EDA: variants seen among roughly 807,000 people sequenced by gnomAD.
The protein encoded by EDA is ectodysplasin-A.
A neutral mutation model predicts 23.6 loss-of-function variants in EDA; 2 were observed. That is an observed-to-expected ratio of 0.08 (90% CI 0.03 to 0.27). EDA has a LOEUF of 0.27. EDA is among the 10% of genes least tolerant of loss of function. The pLI, the probability that EDA is intolerant of heterozygous loss-of-function variation, is 1.00. For synonymous variants in EDA, 131 were observed against 132.0 expected (o/e 0.99, Z 0.05); for missense variants, 229 against 324.2 (o/e 0.71, Z 2.26).
chrX:69,916,989 A>G (rs934322304), intron 1 of EDA, among the ~76,000 whole-genome samples: 2 of 110,503 alleles, frequency 1.8e-5, no homozygotes, highest in Non-Finnish European at 1.9e-5. Context: ...AGGCTGGAGT[A>G]TAATGGCACG....
chrX:69,912,337 G>A (rs1329454685), intron 1 of EDA, among the ~76,000 whole-genome samples: 1 of 111,730 alleles, frequency 9.0e-6, no homozygotes, highest in Non-Finnish European at 1.9e-5. Context: ...GCTTCCATGA[G>A]TCATGAATAT....
intron 1 of EDA, among the ~76,000 whole-genome samples, chrX:69,724,228 G>A (rs952929346): frequency 1.8e-5 from 2 of 110,917 alleles, no homozygotes; most frequent in African/African-American, 6.6e-5. Context: ...AGTGGTGGTT[G>A]GGTTGCTTTA....
At chrX:69,787,347 G>T (rs1286820722) in intron 1 of EDA, among the ~76,000 whole-genome samples, 1 of 101,004 alleles carries the variant, frequency 9.9e-6, no homozygotes, top group South Asian at 4.8e-4. Context: ...ATGTTAGCTG[G>T]TTATTTTGCT....
intron 1 of EDA, among the ~76,000 whole-genome samples, chrX:69,742,364 C>G (rs1268006924): frequency 9.0e-6 from 1 of 111,358 alleles, no homozygotes; most frequent in Non-Finnish European, 1.9e-5. Flanking sequence ...TGTAATTGCC[C>G]AAAGTAGAGT....
intron 1 of EDA, among the ~76,000 whole-genome samples, chrX:69,770,971 G>A (rs1416622762): frequency 9.0e-6 from 1 of 111,647 alleles, no homozygotes; most frequent in Non-Finnish European, 1.9e-5. Context: ...ATCATTTGTT[G>A]AAAAAACTAT....
intron 1 of EDA, among the ~76,000 whole-genome samples, chrX:69,750,416 C>G (rs1225549413): frequency 9.1e-6 from 1 of 109,843 alleles, no homozygotes. Context: ...TTAATCCAGT[C>G]TATCATTGTT....
intron 1 of EDA, among the ~76,000 whole-genome samples, chrX:69,808,245 A>T (rs778464097): frequency 9.0e-6 from 1 of 110,910 alleles, no homozygotes; most frequent in African/African-American, 3.3e-5. Flanking sequence ...TATTGTATTC[A>T]TCTATTACTG....
intron 1 of EDA, among the ~76,000 whole-genome samples, chrX:69,865,994 C>T (rs148324388): frequency 1.8e-4 from 20 of 112,485 alleles, no homozygotes; most frequent in Non-Finnish European, 3.4e-4. Context: ...ATATTCATGA[C>T]AGTTACAGTC....
chrX:69,789,530 C>T (rs756264085), intron 1 of EDA, among the ~76,000 whole-genome samples: 30 of 112,037 alleles, frequency 2.7e-4, no homozygotes, highest in South Asian at 7.4e-4. Context: ...TCCACGGTCA[C>T]CATTCTGTTA....
At chrX:69,661,477 T>G (rs1469988002) in intron 1 of EDA, among the ~76,000 whole-genome samples, 1 of 110,629 alleles carries the variant, frequency 9.0e-6, no homozygotes, top group Non-Finnish European at 1.9e-5. Flanking sequence ...TTTATGGTTT[T>G]AGGTCTAAGA....
chrX:70,001,351 G>A (rs2019737795), intron 2 of EDA, among the ~76,000 whole-genome samples: 1 of 109,253 alleles, frequency 9.2e-6, no homozygotes. Flanking sequence ...CTAGAGCCAT[G>A]TTGCATATGT....
At chrX:69,890,647 G>T (rs2017911969) in intron 1 of EDA, among the ~76,000 whole-genome samples, 1 of 111,335 alleles carries the variant, frequency 9.0e-6, no homozygotes, top group African/African-American at 3.3e-5. Context: ...ACAAGCAATG[G>T]GGAAAGGATT....
intron 1 of EDA, among the ~76,000 whole-genome samples, chrX:69,817,901 C>T (rs2016117811): frequency 8.9e-6 from 1 of 111,847 alleles, no homozygotes; most frequent in Non-Finnish European, 1.9e-5. Flanking sequence ...AACTCTCCAC[C>T]TCAAAACAAC....
At chrX:69,925,188 T>C (rs916316785) in intron 1 of EDA, among the ~76,000 whole-genome samples, 3 of 111,621 alleles carry the variant, frequency 2.7e-5, no homozygotes, top group African/African-American at 9.8e-5. Flanking sequence ...CAAGACTATG[T>C]TGAATCGGAG....
chrX:69,667,105 TTC>T (rs758287717), intron 1 of EDA, among the ~76,000 whole-genome samples: 15 of 62,718 alleles, frequency 2.4e-4, no homozygotes, highest in Non-Finnish European at 3.8e-4. Context: ...CTCTTTTAAT[TTC>T]TTTTTCTTTT....
At position 69,860,935 on chromosome X, in the gene EDA, G is replaced by A. The variant is rs185885464; in HGVS notation, c.397-96092G>A. 3.4e-4 allele frequency: 176 copies of A among 520,184 alleles called. 1 individual carries two copies. The highest frequency in any genetic ancestry group is 5.1e-4 in the Non-Finnish European group (145 of 285,768). The allele number at this position is 520,184 out of a possible 1,213,427, so 42.9% of individuals were successfully genotyped here. The stretch of plus-strand genomic sequence containing the variant: ...AAGATCTGTTAAAAGCACACGAGTC[G>A]TCTCAGTCCCTCAGTGGGAGCTGTT... On this transcript the variant is annotated intron_variant, in intron 1 of 7. Transcript: ENST00000374552.
chrX:70,027,990 AGGTCCTCCT>A lies in EDA; in HGVS notation c.668_676del (p.Pro223_Pro225del), dbSNP rs1468279985. On this transcript the variant is annotated inframe_deletion, in exon 4 of 8. Coordinates refer to ENST00000374552, the MANE Select transcript of EDA (RefSeq NM_001399.5). ...CTGTTATGGGACCACCTGGTCCTCC[AGGTCCTCCT>A]GGTCCTCAAGGACCCCCTGGCCTCC... 6.7e-6 allele frequency: 8 copies of A among 1,192,940 alleles called. No individual in the cohort carries two copies. Among genetic ancestry groups the A allele is most frequent in the East Asian group, 3.0e-5 (1 of 32,794 alleles).
intron 1 of EDA, among the ~76,000 whole-genome samples, chrX:69,881,540 G>C (rs2017747537): frequency 9.0e-6 from 1 of 111,584 alleles, no homozygotes; most frequent in Non-Finnish European, 1.9e-5. Flanking sequence ...TGCCATAGTT[G>C]CTTAGCTATA....
chrX:69,654,959 TA>T (rs1347005869), intron 1 of EDA, among the ~76,000 whole-genome samples: 94 of 102,703 alleles, frequency 9.2e-4, no homozygotes, highest in Non-Finnish European at 4.0e-4. Context: ...ACAATACAAT[TA>T]AAAAAAAAAC....
Sources: allele counts gnomAD v4.1 joint callset (sites outside exome capture counted in the v4.1 genomes callset), GRCh38; gene constraint gnomAD v4.1.1; transcripts MANE v1.5; gene names NCBI Gene and HGNC (gene_info 2026-07-23, HGNC 2026-07-21).